ALKBH1: variants seen among roughly 807,000 people sequenced by gnomAD.
The protein encoded by ALKBH1 is nucleic acid dioxygenase ALKBH1.
In ALKBH1, 31 loss-of-function variants were observed where a neutral mutation model predicts 36.6. The ratio of observed to expected loss-of-function variants is 0.85; its 90% CI spans 0.64 to 1.14. ALKBH1 has a LOEUF of 1.14. Ranked by LOEUF, ALKBH1 falls within the 50% of genes most tolerant of loss-of-function variation. ALKBH1 has a pLI of 0.00. For missense variants in ALKBH1, 490 were observed against 497.3 expected (o/e 0.99, Z 0.14); for synonymous variants, 183 against 186.6 (o/e 0.98, Z 0.16).
rs575303801 is a variant in ALKBH1 at position 77,674,909 on chromosome 14, C to T, written c.741-668G>A. Among the ~76,000 whole-genome samples, 72 of 152,080 alleles carry T rather than the reference C, an allele frequency of 4.7e-4. 1 individual carries two copies. In the South Asian group the frequency reaches 0.015, roughly 32 times the overall value. The stretch of plus-strand genomic sequence containing the variant: ...CATTTGAGTTCTTTACTATGTTTAC[C>T]TTTCCTCATTTTAAAGATAAGGCAA... On this transcript the variant is annotated intron_variant, in intron 5 of 5. Transcript: ENST00000216489.
At position 77,675,672 on chromosome 14, in the gene ALKBH1, G is replaced by T; in HGVS notation, c.724C>A (p.Pro242Thr). Reference sequence around the variant, plus strand: ...CTAACTCACCTGAATGACAGCAAGGGTTTGGAGTGATCTAGCTCAGATCTG... The same window carrying T: ...CTAACTCACCTGAATGACAGCAAGGTTTTGGAGTGATCTAGCTCAGATCTG... ...VDRSELDHSKPLLSFSFGQSA... is the reference protein window; with the variant it reads ...VDRSELDHSKTLLSFSFGQSA... Residue 242 changes from proline (P) to threonine (T), a missense_variant, in exon 5 of 6, where the codon CCC (proline) becomes ACC (threonine). Transcript: ENST00000216489. The T allele has an allele frequency of 6.2e-7, 1 of 1,613,788 alleles. No homozygotes were observed. Among genetic ancestry groups the T allele is most frequent in the East Asian group, 2.2e-5 (1 of 44,878 alleles).
rs779847736 is a variant in ALKBH1 at position 77,673,769 on chromosome 14, C to T, written c.*43G>A. The T allele has an allele frequency of 1.6e-5, 25 of 1,562,896 alleles. No homozygotes were observed. In the East Asian group the frequency reaches 2.7e-4, roughly 17 times the overall value. ...CAATACACAATAACATGATCATTTA[C>T]GGTAAGCAGGTGCCTGAGTAAAAAG... On this transcript the variant is annotated 3_prime_UTR_variant, in exon 6 of 6. Coordinates refer to ENST00000216489, the MANE Select transcript of ALKBH1 (RefSeq NM_006020.3).
At chr14:77,698,402 G>A (rs1216162003) in intron 2 of ALKBH1, among the ~76,000 whole-genome samples, 2 of 152,168 alleles carry the variant, frequency 1.3e-5, no homozygotes, top group African/African-American at 4.8e-5. Context: ...ATAAGTGTTG[G>A]GGGCATTGAA....
chr14:77,705,876 G>A (rs201062180), intron 1 of ALKBH1, among the ~76,000 whole-genome samples: 1 of 151,978 alleles, frequency 6.6e-6, no homozygotes, highest in Non-Finnish European at 1.5e-5. Context: ...CCAACATGGC[G>A]AAACCCCGTC....
At chr14:77,683,168 T>G (rs76379834) in intron 3 of ALKBH1, 43,289 of 471,380 alleles carry the variant, frequency 0.092, 2,488 homozygotes, top group African/African-American at 0.17. Context: ...TTTTTTTTTT[T>G]TTTACAAACA....
Position 77,694,720 on chromosome 14 carries a change from C to A in ALKBH1, c.455+18G>T. ...CTGAGCTGAGTATTAACACTTCATT[C>A]TGATTGACAAGACTTACCTCAGGAA... On this transcript the variant is annotated intron_variant, in intron 3 of 5. Transcript: ENST00000216489. 1 of 1,564,942 alleles carries A rather than the reference C, an allele frequency of 6.4e-7. No individual in the cohort carries two copies. Among genetic ancestry groups the A allele is most frequent in the Non-Finnish European group, 8.6e-7 (1 of 1,158,332 alleles).
chr14:77,674,616 G>A (rs543281592), intron 5 of ALKBH1, among the ~76,000 whole-genome samples: 8 of 152,204 alleles, frequency 5.3e-5, no homozygotes, highest in African/African-American at 9.6e-5. Flanking sequence ...GCAGCGGCGC[G>A]ATCTCGGCTC....
chr14:77,687,984 A>T (rs2080277572), intron 3 of ALKBH1, among the ~76,000 whole-genome samples: 1 of 152,084 alleles, frequency 6.6e-6, no homozygotes, highest in African/African-American at 2.4e-5. Context: ...ATCATGCTGG[A>T]CATCTCCACC....
chr14:77,677,060 G>A (rs1345079495), intron 4 of ALKBH1, among the ~76,000 whole-genome samples: 1 of 146,222 alleles, frequency 6.8e-6, no homozygotes, highest in Non-Finnish European at 1.5e-5. Context: ...TTTTTTTTGA[G>A]ACTGAGTCTC....
intron 3 of ALKBH1, among the ~76,000 whole-genome samples, chr14:77,688,639 A>T (rs1447863039): frequency 1.4e-5 from 2 of 145,124 alleles, no homozygotes; most frequent in Non-Finnish European, 1.5e-5. Flanking sequence ...TGCAACCTCC[A>T]CCTGCCGGGT....
chr14:77,693,641 T>C (rs1410940845), intron 3 of ALKBH1, among the ~76,000 whole-genome samples: 1 of 152,166 alleles, frequency 6.6e-6, no homozygotes, highest in African/African-American at 2.4e-5. Context: ...CCCCTACTCA[T>C]TTTTGAAGAT....
At chr14:77,703,220 T>C (rs2080369098) in intron 2 of ALKBH1, among the ~76,000 whole-genome samples, 1 of 152,074 alleles carries the variant, frequency 6.6e-6, no homozygotes, top group African/African-American at 2.4e-5. Context: ...TGGGCTCAAA[T>C]GATCCTCCCA....
At chr14:77,695,601 T>A (rs1237580490) in intron 2 of ALKBH1, among the ~76,000 whole-genome samples, 1 of 152,228 alleles carries the variant, frequency 6.6e-6, no homozygotes, top group African/African-American at 2.4e-5. Context: ...AATGTAGTAA[T>A]CCCAAGCTCT....
chr14:77,696,977 G>T (rs1480627139), intron 2 of ALKBH1: 1 of 156,772 alleles, frequency 6.4e-6, no homozygotes, highest in East Asian at 1.8e-4. Context: ...ACGTCTCAAT[G>T]CCCTGACTGA....
At chr14:77,682,408 G>A (rs1190188927) in intron 3 of ALKBH1, among the ~76,000 whole-genome samples, 2 of 152,176 alleles carry the variant, frequency 1.3e-5, no homozygotes, top group African/African-American at 4.8e-5. Flanking sequence ...CGTAGTTCCA[G>A]AGTTACATAA....
At chr14:77,692,948 G>A (rs908133961) in intron 3 of ALKBH1, among the ~76,000 whole-genome samples, 4 of 151,652 alleles carry the variant, frequency 2.6e-5, no homozygotes, top group African/African-American at 9.7e-5. Flanking sequence ...CCTTACACCT[G>A]TAATCCCAGC....
intron 3 of ALKBH1, among the ~76,000 whole-genome samples, chr14:77,692,137 T>C (rs1043507425): frequency 6.6e-6 from 1 of 152,192 alleles, no homozygotes; most frequent in Non-Finnish European, 1.5e-5. Flanking sequence ...GTTGGTAAAA[T>C]GGTTTTAACA....
intron 3 of ALKBH1, among the ~76,000 whole-genome samples, chr14:77,688,605 T>C (rs1186036564): frequency 4.9e-5 from 7 of 143,154 alleles, no homozygotes; most frequent in Non-Finnish European, 1.0e-4. Flanking sequence ...CAGGCTGGAG[T>C]AGAGTGGTGC....
Position 77,674,066 on chromosome 14 carries a change from C to T in ALKBH1, c.916G>A (p.Glu306Lys), listed in dbSNP as rs2080191421. ...PEGEGLPHCLEAPLPAVLPRD... is the reference protein window; with the variant it reads ...PEGEGLPHCLKAPLPAVLPRD... ...GGGAGGACAGCAGGGAGAGGTGCCTCTAGGCAGTGAGGCAGGCCTTCCCCT... is the reference window on the plus strand; with the variant it reads ...GGGAGGACAGCAGGGAGAGGTGCCTTTAGGCAGTGAGGCAGGCCTTCCCCT... Residue 306 changes from glutamate to lysine, a missense_variant, in exon 6 of 6, where the codon GAG becomes AAG. By Grantham distance (56) the Glu-to-Lys change is moderately conservative. Transcript: ENST00000216489. 4 of 1,614,136 alleles carry T rather than the reference C, an allele frequency of 2.5e-6. No individual in the cohort carries two copies. The highest frequency in any genetic ancestry group is 3.4e-6 in the Non-Finnish European group (4 of 1,180,026).
Sources: gnomAD v4.1 joint callset for allele counts (sites outside exome capture counted in the v4.1 genomes callset) on GRCh38, gnomAD v4.1.1 for gene constraint, MANE v1.5 for transcripts, NCBI Gene and HGNC (gene_info 2026-07-23, HGNC 2026-07-21) for gene names.